The following CHD8 variants were observed in gnomAD, a reference collection of about 807,000 sequenced individuals.
CHD8 encodes chromodomain helicase DNA binding protein 8, also known as ATP-dependent chromatin remodeler CHD8.
Under a neutral mutation model 279.2 loss-of-function variants are expected in CHD8, and 31 were observed. The ratio of observed to expected loss-of-function variants is 0.11; its 90% CI spans 0.08 to 0.15. The LOEUF (loss-of-function observed/expected upper bound fraction) is 0.15, where lower values mean the gene tolerates loss of function less well. Ranked by LOEUF, CHD8 falls within the 10% of genes least tolerant of loss-of-function variation. The pLI is 1.00. For synonymous variants in CHD8, 1,081 were observed against 1,139.6 expected, an observed-to-expected ratio of 0.95 and a Z score of 1.04; for missense variants, 2,146 against 3,230.5, an observed-to-expected ratio of 0.66 and a Z score of 8.14.
rs61973171 is a variant in CHD8 at position 21,408,571 on chromosome 14, G to A, written c.2487-16C>T. On this transcript the variant is annotated splice_polypyrimidine_tract_variant and intron_variant, in intron 12 of 37. Coordinates refer to ENST00000646647, the MANE Select transcript of CHD8 (RefSeq NM_001170629.2). The surrounding 1 kb of genome is among the most constrained non-coding windows in gnomAD (Gnocchi z 4.3). ...GCAGTTCTGCCTGCAGATTCACCAT[G>A]GGAAAAAAAAAATGTTAAAAGATAC... is the stretch of plus-strand genomic sequence containing the variant. 1.6e-5 allele frequency: 26 copies of A among 1,588,258 alleles called. No individual in the cohort carries two copies. In the East Asian group the frequency reaches 5.4e-4, roughly 33 times the overall value.
chr14:21,433,255 G>A (rs1005998543), intron 1 of CHD8, among the ~76,000 whole-genome samples: 1 of 152,144 alleles, frequency 6.6e-6, no homozygotes, highest in Non-Finnish European at 1.5e-5. Flanking sequence ...TTCCTATCTT[G>A]AAAACATGTC....
At chr14:21,441,617 G>A (rs1333470959) in intron 1 of CHD8, among the ~76,000 whole-genome samples, 5 of 152,158 alleles carry the variant, frequency 3.3e-5, no homozygotes, top group South Asian at 2.1e-4. Context: ...AGCTGGGCGT[G>A]GTGGCTCATG....
At chr14:21,422,801 C>A (rs1382960090) in intron 5 of CHD8, among the ~76,000 whole-genome samples, 1 of 151,642 alleles carries the variant, frequency 6.6e-6, no homozygotes, top group East Asian at 1.9e-4. Context: ...TGGTGGCGCA[C>A]ACCTATAATC....
chr14:21,395,715 G>A, intron 28 of CHD8, 102 bp downstream of exon 28: 1 of 756,012 alleles, frequency 1.3e-6, no homozygotes, highest in South Asian at 1.7e-5. Context: ...TTTCCATTTT[G>A]TATTATAAAT....
At chr14:21,425,562 T>C (rs1889276695) in intron 5 of CHD8, 1 of 152,028 alleles carries the variant, frequency 6.6e-6, no homozygotes. Flanking sequence ...TGACCTCAGG[T>C]GATCCACCCA....
chr14:21,405,933 A>T lies in CHD8; in HGVS notation c.2908-69T>A, dbSNP rs1166027848. The T allele has an allele frequency of 1.6e-6, 2 of 1,267,588 alleles. No individual in the cohort carries two copies. The highest frequency in any genetic ancestry group is 2.4e-5 in the East Asian group (1 of 41,192). The allele number at this position is 1,267,588 out of a possible 1,614,324, so 78.5% of individuals were successfully genotyped here. A position where few individuals can be genotyped will look rare whatever the true frequency, so the allele number is the denominator to read the frequency against. ...GGACTTCTGGGGTTTCCTATCAAGT[A>T]TATAATCTTTAACATATATAACCTT... On this transcript the variant is annotated intron_variant, in intron 14 of 37. Transcript: ENST00000646647. This position sits in a 1 kb window ranked among gnomAD's most constrained non-coding sequence, Gnocchi z 4.2.
At chr14:21,391,196 C>T (rs1002636401) in intron 36 of CHD8, 133 bp from the exon 37 acceptor site, 4 of 725,670 alleles carry the variant, frequency 5.5e-6, no homozygotes, top group Non-Finnish European at 6.7e-6. Context: ...TGGAAAACTG[C>T]CATTAAGTGG....
At position 21,392,740 on chromosome 14, in the gene CHD8, G is replaced by A. The variant is rs373651476; in HGVS notation, c.6538C>T (p.Arg2180Cys). ...CCTGTTACCATTTCCTGGCTCCTAC[G>A]GCTAGAAGGCCACTTCCCTGAGAGT... ...AVLSGKWPSSRRSQEMVTGGI... is the reference protein window; with the variant it reads ...AVLSGKWPSSCRSQEMVTGGI... The change falls in exon 34 of 38, where the codon CGT becomes TGT. Residue 2180 changes from arginine to cysteine, a missense_variant. By Grantham distance (180) the Arg-to-Cys change is radical. Transcript: ENST00000646647. 32 of 1,613,926 alleles carry A rather than the reference G, an allele frequency of 2.0e-5. No individual in the cohort carries two copies. Among genetic ancestry groups the A allele is most frequent in the Non-Finnish European group, 2.3e-5 (27 of 1,179,890 alleles).
Position 21,426,185 on chromosome 14 carries a change from T to C in CHD8, c.1659A>G (p.Ser553=), listed in dbSNP as rs1889309501. The change falls in exon 5 of 38, where the codon TCA becomes TCG. Residue 553 remains serine, a synonymous_variant. Coordinates refer to ENST00000646647, the MANE Select transcript of CHD8 (RefSeq NM_001170629.2). ...ACTGTGCAGGCATGACTTCCACATC[T>C]GAATTATCAGATGAGGTATTACGTT... ...KRKRNTSSDN[S]DVEVMPAQSP... The C allele has an allele frequency of 6.2e-7, 1 of 1,612,702 alleles. No homozygotes were observed. The highest frequency in any genetic ancestry group is 1.1e-5 in the South Asian group (1 of 90,940).
intron 37 of CHD8, among the ~76,000 whole-genome samples, chr14:21,389,125 C>T (rs1462051322): frequency 6.6e-6 from 1 of 151,694 alleles, no homozygotes; most frequent in Non-Finnish European, 1.5e-5. Flanking sequence ...CATGGTGAAA[C>T]CCCGTCTCTA....
chr14:21,422,099 G>A (rs2096594901), intron 5 of CHD8, among the ~76,000 whole-genome samples: 1 of 152,190 alleles, frequency 6.6e-6, no homozygotes, highest in Non-Finnish European at 1.5e-5. Flanking sequence ...CCAGCACATT[G>A]GGAGGACAAG....
At chr14:21,452,982 C>CA (rs796504555) in intron 1 of CHD8, among the ~76,000 whole-genome samples, 1,866 of 127,726 alleles carry the variant, frequency 0.015, 35 homozygotes, top group African/African-American at 0.029. Context: ...GACTCCATCT[C>CA]AAAAAAAAAA....
intron 5 of CHD8, 113 bp from the exon 6 acceptor site, chr14:21,416,020 A>G: frequency 1.2e-6 from 1 of 830,772 alleles, no homozygotes; most frequent in South Asian, 1.7e-5. Context: ...TTTCATGAAA[A>G]ATCAGACCAA....
chr14:21,410,584 A>G (rs1361250256), intron 10 of CHD8, among the ~76,000 whole-genome samples: 1 of 152,258 alleles, frequency 6.6e-6, no homozygotes, highest in Non-Finnish European at 1.5e-5. Context: ...TACAGTAAGT[A>G]CTAGTTTATG....
intron 5 of CHD8, among the ~76,000 whole-genome samples, chr14:21,418,905 G>A (rs1370973544): frequency 1.3e-5 from 2 of 152,218 alleles, no homozygotes; most frequent in Non-Finnish European, 2.9e-5. Flanking sequence ...AGCTGCCTAT[G>A]CCCTGGAGTG....
At chr14:21,444,931 G>T (rs1890074995) in intron 1 of CHD8, among the ~76,000 whole-genome samples, 1 of 152,022 alleles carries the variant, frequency 6.6e-6, no homozygotes, top group Non-Finnish European at 1.5e-5. Flanking sequence ...ATATCTCCCT[G>T]CTTAATCCAT....
intron 1 of CHD8, among the ~76,000 whole-genome samples, chr14:21,439,381 C>G (rs565911500): frequency 2.6e-5 from 4 of 152,180 alleles, no homozygotes; most frequent in East Asian, 1.9e-4. Context: ...AAACCTCCCC[C>G]CTGTAGCCAC....
chr14:21,424,841 T>C (rs551368014), intron 5 of CHD8, among the ~76,000 whole-genome samples: 1 of 152,280 alleles, frequency 6.6e-6, no homozygotes, highest in African/African-American at 2.4e-5. Context: ...CGAATGTATA[T>C]TATGAAAGAG....
intron 5 of CHD8, chr14:21,416,363 C>G (rs1430214688): frequency 6.6e-6 from 1 of 152,472 alleles, no homozygotes; most frequent in East Asian, 1.9e-4. Context: ...ATGATATTTC[C>G]TGGAAATGTT....
Sources: gnomAD v4.1 joint callset for allele counts (sites outside exome capture counted in the v4.1 genomes callset) on GRCh38, gnomAD v4.1.1 for gene constraint, Gnocchi (gnomAD v3.1) non-coding constraint, MANE v1.5 for transcripts, NCBI Gene and HGNC (gene_info 2026-07-23, HGNC 2026-07-21) for gene names.